Variants in RBFOX1 observed in about 807,000 individuals in gnomAD.
RBFOX1 encodes RNA binding fox-1 homolog 1.
A neutral mutation model predicts 57.7 loss-of-function variants in RBFOX1; 8 were observed. That is an observed-to-expected ratio of 0.14 (90% CI 0.08 to 0.25). The LOEUF is 0.25. Among genes scored for constraint, RBFOX1 ranks in the 10% least tolerant of loss-of-function variants. The probability of loss-of-function intolerance (pLI) is 1.00; values close to 1 mark genes in which losing one functional copy is unlikely to be tolerated. For synonymous variants in RBFOX1, 326 were observed against 222.4 expected, an observed-to-expected ratio of 1.47 and a Z score of -4.15; for missense variants, 611 against 548.5, an observed-to-expected ratio of 1.11 and a Z score of -1.14.
At chr16:6,780,387 A>G (rs1567216514) in intron 3 of RBFOX1, among the ~76,000 whole-genome samples, 1 of 67,176 alleles carries the variant, frequency 1.5e-5, no homozygotes, top group East Asian at 7.2e-4. Context: ...ATTTATACAT[A>G]TTATATATAT....
chr16:7,516,495 A>AT (rs2076383499), intron 4 of RBFOX1, among the ~76,000 whole-genome samples: 1 of 152,234 alleles, frequency 6.6e-6, no homozygotes, highest in South Asian at 2.1e-4. Flanking sequence ...GAGACAGACC[A>AT]GCAGTATCAC....
At chr16:5,493,244 T>C (rs1233957034) in intron 2 of RBFOX1, among the ~76,000 whole-genome samples, 1 of 152,236 alleles carries the variant, frequency 6.6e-6, no homozygotes, top group Non-Finnish European at 1.5e-5. Flanking sequence ...TTATTATTTC[T>C]TACATTTTGT....
rs188187247 is a variant in RBFOX1 at position 6,638,305 on chromosome 16, T to C, written c.-63-16298T>C. Among the ~76,000 whole-genome samples the C allele has an allele frequency of 2.0e-5, 3 of 152,276 alleles. No homozygotes were observed. In the East Asian group the frequency reaches 5.8e-4, roughly 29 times the overall value. Reference sequence around the variant, plus strand: ...CCTATGCTCATGTAAGAATTAAAATTAGTGTTTTAAAGAATAAGTTACTGG... The same window carrying C: ...CCTATGCTCATGTAAGAATTAAAATCAGTGTTTTAAAGAATAAGTTACTGG... On this transcript the variant is annotated intron_variant, in intron 2 of 15. Transcript: ENST00000550418.
intron 1 of RBFOX1, among the ~76,000 whole-genome samples, chr16:6,194,693 G>T (rs1207079372): frequency 6.6e-6 from 1 of 151,998 alleles, no homozygotes; most frequent in Non-Finnish European, 1.5e-5. Context: ...TCTGGGTTAG[G>T]GTTTCTTACA....
intron 2 of RBFOX1, among the ~76,000 whole-genome samples, chr16:5,492,831 G>A (rs970818318): frequency 6.6e-6 from 1 of 152,202 alleles, no homozygotes; most frequent in Non-Finnish European, 1.5e-5. Flanking sequence ...CATCAATAGT[G>A]CGGGGACTTG....
chr16:7,402,699 G>T (rs2098265457), intron 4 of RBFOX1, among the ~76,000 whole-genome samples: 3 of 152,122 alleles, frequency 2.0e-5, no homozygotes, highest in Admixed American at 1.3e-4. Context: ...ACAGCCACTG[G>T]CACCTAATAT....
chr16:6,193,297 C>T (rs2097153512), intron 1 of RBFOX1, among the ~76,000 whole-genome samples: 1 of 146,382 alleles, frequency 6.8e-6, no homozygotes, highest in Non-Finnish European at 1.5e-5. Context: ...ATTATCTCTT[C>T]GTGGGAGTTA....
chr16:5,331,027 C>T (rs775136758), intron 1 of RBFOX1, among the ~76,000 whole-genome samples: 1 of 152,100 alleles, frequency 6.6e-6, no homozygotes, highest in Non-Finnish European at 1.5e-5. Context: ...ATATGAAAGG[C>T]CTACTTGGTA....
chr16:6,785,750 T>G (rs184462828), intron 3 of RBFOX1, among the ~76,000 whole-genome samples: 1 of 152,358 alleles, frequency 6.6e-6, no homozygotes, highest in African/African-American at 2.4e-5. Flanking sequence ...TCCACTATTG[T>G]TATCATCATT....
chr16:6,599,822 C>G (rs755424783), intron 2 of RBFOX1, among the ~76,000 whole-genome samples: 7 of 150,772 alleles, frequency 4.6e-5, no homozygotes, highest in Non-Finnish European at 8.8e-5. Flanking sequence ...AATGAGAGCA[C>G]TTAGCTTAGA....
At chr16:5,724,765 C>A (rs1161830192) in intron 3 of RBFOX1, among the ~76,000 whole-genome samples, 1 of 152,144 alleles carries the variant, frequency 6.6e-6, no homozygotes, top group Non-Finnish European at 1.5e-5. Flanking sequence ...GTACCTGGCA[C>A]CATACTGGGT....
At chr16:6,803,240 G>C (rs1011000547) in intron 3 of RBFOX1, among the ~76,000 whole-genome samples, 9 of 152,062 alleles carry the variant, frequency 5.9e-5, no homozygotes, top group African/African-American at 1.9e-4. Context: ...TGACATTGCT[G>C]TTAGCTTTCT....
intron 4 of RBFOX1, among the ~76,000 whole-genome samples, chr16:5,964,343 C>T (rs1162816034): frequency 6.6e-6 from 1 of 152,106 alleles, no homozygotes; most frequent in Non-Finnish European, 1.5e-5. Flanking sequence ...ATGGAGATTT[C>T]TCAAATAATT....
At chr16:5,582,417 G>T (rs1247947502) in intron 2 of RBFOX1, among the ~76,000 whole-genome samples, 1 of 152,114 alleles carries the variant, frequency 6.6e-6, no homozygotes, top group African/African-American at 2.4e-5. Context: ...CGGGTATTGT[G>T]GAACTGAGGT....
chr16:6,956,267 G>T (rs762719539), intron 3 of RBFOX1, among the ~76,000 whole-genome samples: 8 of 152,166 alleles, frequency 5.3e-5, no homozygotes, highest in Non-Finnish European at 1.2e-4. Context: ...GGCACAAAGA[G>T]CTGGGTGAAG....
intron 14 of RBFOX1, among the ~76,000 whole-genome samples, chr16:7,687,775 T>C (rs1358285340): frequency 6.6e-6 from 1 of 152,054 alleles, no homozygotes. Context: ...ATGTTAAAAA[T>C]CAACACTAGT....
At chr16:6,856,534 C>A (rs753956399) in intron 3 of RBFOX1, among the ~76,000 whole-genome samples, 5 of 152,104 alleles carry the variant, frequency 3.3e-5, no homozygotes, top group Non-Finnish European at 7.4e-5. Context: ...GGAAAATGCT[C>A]CCTCATGAAT....
chr16:6,138,025 G>A (rs896290951), intron 1 of RBFOX1, among the ~76,000 whole-genome samples: 1 of 152,310 alleles, frequency 6.6e-6, no homozygotes, highest in Non-Finnish European at 1.5e-5. Context: ...CTGGAGCAAC[G>A]CTTCAATCCT....
intron 4 of RBFOX1, 47 bp from the exon 5 acceptor site, chr16:7,518,100 G>A (rs369872249): frequency 6.4e-7 from 1 of 1,570,844 alleles, no homozygotes; most frequent in Admixed American, 1.8e-5. Flanking sequence ...CTGCATGGTG[G>A]CTCCTCATGA....
Sources: gnomAD v4.1 joint callset for allele counts (sites outside exome capture counted in the v4.1 genomes callset) on GRCh38, gnomAD v4.1.1 for gene constraint, MANE v1.5 for transcripts, NCBI Gene and HGNC (gene_info 2026-07-23, HGNC 2026-07-21) for gene names.